Variants in MAOB observed in about 807,000 individuals in gnomAD.
The protein encoded by MAOB is amine oxidase [flavin-containing] B.
Under a neutral mutation model 41.9 loss-of-function variants are expected in MAOB, and 15 were observed. That is an observed-to-expected ratio of 0.36 (90% CI 0.24 to 0.55). The LOEUF (loss-of-function observed/expected upper bound fraction) is 0.55, where lower values mean the gene tolerates loss of function less well. Ranked by LOEUF, MAOB falls within the 20% of genes least tolerant of loss-of-function variation. The pLI is 0.86. For missense variants in MAOB, 345 were observed against 398.7 expected (o/e 0.87, Z 1.15); for synonymous variants, 167 against 144.2 (o/e 1.16, Z -1.13).
chrX:43,847,003 A>G (rs73212726), intron 1 of MAOB, among the ~76,000 whole-genome samples: 3,230 of 112,329 alleles, frequency 0.029, 53 homozygotes, highest in Middle Eastern at 0.087. Flanking sequence ...TTAAACACTT[A>G]TGCAATAATC....
At chrX:43,864,120 A>G (rs1177851083) in intron 1 of MAOB, among the ~76,000 whole-genome samples, 1 of 111,609 alleles carries the variant, frequency 9.0e-6, no homozygotes, top group Non-Finnish European at 1.9e-5. Context: ...CTCTAGGCTA[A>G]GGAGAATACT....
chrX:43,796,385 C>T (rs753090424), intron 6 of MAOB, among the ~76,000 whole-genome samples: 19 of 111,315 alleles, frequency 1.7e-4, no homozygotes, highest in Non-Finnish European at 3.2e-4. Flanking sequence ...GGGTCAGATG[C>T]CTGCTGCTTC....
chrX:43,778,205 T>G lies in MAOB; in HGVS notation c.1137+477A>C, dbSNP rs754724174. ...AGGAGTGGGGACAGGTAATCTTATT[T>G]TTTTACTGTGAGACAGTGGGGGATG... is the stretch of plus-strand genomic sequence containing the variant. On this transcript the variant is annotated intron_variant, in intron 11 of 14. Transcript: ENST00000378069. 5.4e-5 allele frequency among the ~76,000 whole-genome samples: 6 copies of G among 111,158 alleles called. No individual in the cohort carries two copies. The East Asian group carries it at 1.4e-3, about 26-fold the overall frequency.
In MAOB at chrX:43,778,346, A is replaced by G. The variant is rs771519480; in HGVS notation, c.1137+336T>C. On this transcript the variant is annotated intron_variant, in intron 11 of 14. Transcript: ENST00000378069. ...GGCTACCAGGATCTAGGATCTTCCTATGGGTAGTAGAAGCTCCCCTCTTTT... is the reference window on the plus strand; with the variant it reads ...GGCTACCAGGATCTAGGATCTTCCTGTGGGTAGTAGAAGCTCCCCTCTTTT... 1.7e-3 allele frequency among the ~76,000 whole-genome samples: 192 copies of G among 110,777 alleles called. 1 individual carries two copies. The highest frequency in any genetic ancestry group is 6.0e-3 in the African/African-American group (184 of 30,423).
intron 3 of MAOB, among the ~76,000 whole-genome samples, chrX:43,831,059 C>T (rs756602180): frequency 1.1e-4 from 12 of 108,730 alleles, no homozygotes; most frequent in African/African-American, 4.0e-4. Flanking sequence ...GAAAATTCTG[C>T]AGCACAATAA....
At chrX:43,773,814 A>G (rs2034218100) in intron 12 of MAOB, among the ~76,000 whole-genome samples, 2 of 112,009 alleles carry the variant, frequency 1.8e-5, no homozygotes, top group Admixed American at 9.5e-5. Flanking sequence ...TTTTGCCATG[A>G]TTGTGAAGCC....
intron 3 of MAOB, among the ~76,000 whole-genome samples, chrX:43,815,398 G>A (rs1422074261): frequency 1.8e-5 from 2 of 111,758 alleles, no homozygotes; most frequent in African/African-American, 6.5e-5. Context: ...AGAGTGTTCT[G>A]GCCTTGAATA....
intron 4 of MAOB, 84 bp downstream of exon 4, chrX:43,803,216 T>C: frequency 2.4e-6 from 2 of 827,908 alleles, no homozygotes; most frequent in Non-Finnish European, 3.3e-6. Flanking sequence ...ATGTGCTAGG[T>C]GTTGGAGATA....
At chrX:43,831,458 A>G (rs2035018986) in intron 3 of MAOB, among the ~76,000 whole-genome samples, 2 of 111,454 alleles carry the variant, frequency 1.8e-5, no homozygotes, top group African/African-American at 6.5e-5. Flanking sequence ...GGTGTATGAC[A>G]TTCCAGACCT....
chrX:43,794,291 G>A (rs1007908036), intron 7 of MAOB, among the ~76,000 whole-genome samples: 4 of 110,554 alleles, frequency 3.6e-5, no homozygotes, highest in Non-Finnish European at 7.6e-5. Flanking sequence ...TCAATCCCTC[G>A]TCTCCTCCAA....
intron 7 of MAOB, among the ~76,000 whole-genome samples, chrX:43,794,726 T>C (rs2034506416): frequency 9.1e-6 from 1 of 110,190 alleles, no homozygotes; most frequent in Non-Finnish European, 1.9e-5. Context: ...TTTCCTTTTT[T>C]TCAGTTAGAG....
At position 43,795,620 on chromosome X, in the gene MAOB, G is replaced by T. The variant is rs918660163; in HGVS notation, c.768+119C>A. On this transcript the variant is annotated intron_variant, in intron 7 of 14. Coordinates refer to ENST00000378069, the MANE Select transcript of MAOB (RefSeq NM_000898.5). ...CCCATCCTGAAGCTACCTAGGGGCT[G>T]CCAGCCATCAATCATTGGCATCAAA... The T allele has an allele frequency of 1.3e-5, 8 of 593,310 alleles. No individual in the cohort carries two copies. In the African/African-American group the frequency reaches 1.4e-4, roughly 10 times the overall value. 48.9% of individuals were successfully genotyped at this position (593,310 alleles called of 1,213,427 possible). A position where few individuals can be genotyped will look rare whatever the true frequency, so the allele number is the denominator to read the frequency against.
intron 3 of MAOB, among the ~76,000 whole-genome samples, chrX:43,811,512 A>G (rs746648790): frequency 9.0e-6 from 1 of 111,680 alleles, no homozygotes; most frequent in African/African-American, 3.3e-5. Context: ...GCCATAAACT[A>G]ATTTGAAGGA....
chrX:43,811,254 C>T (rs2034743319), intron 3 of MAOB, among the ~76,000 whole-genome samples: 1 of 111,258 alleles, frequency 9.0e-6, no homozygotes, highest in African/African-American at 3.3e-5. Context: ...CCCAACACCC[C>T]AATTTCTGTC....
chrX:43,767,791 C>T lies in MAOB; in HGVS notation c.1411-173G>A, dbSNP rs145922470. The stretch of plus-strand genomic sequence containing the variant: ...CCTGTCTTCCTCACTGGACCCTTCA[C>T]TTCCTCAGGGAGGCTTTCTTTCCTG... On this transcript the variant is annotated intron_variant, in intron 14 of 14. Transcript: ENST00000378069. Among the ~76,000 whole-genome samples the T allele has an allele frequency of 3.0e-3, 338 of 111,931 alleles. 1 individual carries two copies. Among genetic ancestry groups the T allele is most frequent in the Non-Finnish European group, 4.9e-3 (258 of 53,165 alleles).
intron 12 of MAOB, among the ~76,000 whole-genome samples, chrX:43,773,731 C>T (rs769320371): frequency 1.5e-4 from 17 of 111,607 alleles, no homozygotes; most frequent in Admixed American, 6.7e-4. Context: ...GTTTTAAAAA[C>T]GGGAGTTTCT....
At position 43,787,619 on chromosome X, in the gene MAOB, G is replaced by A. The variant is rs141851361; in HGVS notation, c.928+5800C>T. Among the ~76,000 whole-genome samples the A allele has an allele frequency of 9.2e-3, 1,033 of 111,909 alleles. 11 individuals are homozygous for A. Among genetic ancestry groups the A allele is most frequent in the African/African-American group, 0.032 (984 of 30,847 alleles). ...AGTTACAACGATATAATTTTTCAGAGGTACTTGTGTACAATTTAGGAATAC... is the reference window on the plus strand; with the variant it reads ...AGTTACAACGATATAATTTTTCAGAAGTACTTGTGTACAATTTAGGAATAC... On this transcript the variant is annotated intron_variant, in intron 8 of 14. Coordinates refer to ENST00000378069, the MANE Select transcript of MAOB (RefSeq NM_000898.5).
chrX:43,820,544 A>T (rs1259959382), intron 3 of MAOB, among the ~76,000 whole-genome samples: 1 of 112,060 alleles, frequency 8.9e-6, no homozygotes, highest in Non-Finnish European at 1.9e-5. Flanking sequence ...CACCATAATC[A>T]TCGCAAACTC....
intron 1 of MAOB, among the ~76,000 whole-genome samples, chrX:43,861,414 A>AT (rs1389119762): frequency 8.9e-6 from 1 of 112,529 alleles, no homozygotes. Flanking sequence ...TTAGTCCCAA[A>AT]TTTTCTGTTC....
Sources: gnomAD v4.1 joint callset for allele counts (sites outside exome capture counted in the v4.1 genomes callset) on GRCh38, gnomAD v4.1.1 for gene constraint, MANE v1.5 for transcripts, NCBI Gene and HGNC (gene_info 2026-07-23, HGNC 2026-07-21) for gene names.